The following OLA1 variants were observed in gnomAD, a reference collection of about 807,000 sequenced individuals.
OLA1 encodes the protein obg-like ATPase 1.
In OLA1, 14 loss-of-function variants were observed where a neutral mutation model predicts 48.4. That is an observed-to-expected ratio of 0.29 (90% CI 0.19 to 0.45). OLA1 has a LOEUF of 0.45. OLA1 is among the 20% of genes least tolerant of loss of function. The pLI is 1.00. For missense variants in OLA1, 325 were observed against 467.1 expected, an observed-to-expected ratio of 0.70 and a Z score of 2.80; for synonymous variants, 127 against 150.4, an observed-to-expected ratio of 0.84 and a Z score of 1.14.
chr2:174,243,262 A>G (rs1486562477), intron 2 of OLA1, among the ~76,000 whole-genome samples: 1 of 152,190 alleles, frequency 6.6e-6, no homozygotes, highest in East Asian at 1.9e-4. Flanking sequence ...AACTCCATCT[A>G]CAAACAATAC....
chr2:174,174,925 A>G (rs1463913064), intron 4 of OLA1, among the ~76,000 whole-genome samples: 7 of 152,068 alleles, frequency 4.6e-5, no homozygotes, highest in African/African-American at 1.4e-4. Context: ...CAAATAGATC[A>G]ATGGAACAGA....
intron 4 of OLA1, among the ~76,000 whole-genome samples, chr2:174,208,498 G>T (rs1020457118): frequency 2.0e-5 from 3 of 152,144 alleles, no homozygotes; most frequent in African/African-American, 7.2e-5. Context: ...CACCTCAGAA[G>T]AATATAGGGC....
At chr2:174,087,696 C>T (rs1685015322) in intron 7 of OLA1, among the ~76,000 whole-genome samples, 1 of 152,096 alleles carries the variant, frequency 6.6e-6, no homozygotes, top group African/African-American at 2.4e-5. Flanking sequence ...TAAAACACAA[C>T]CCTGAAATAG....
intron 1 of OLA1, chr2:174,247,815 G>T: frequency 6.5e-7 from 1 of 1,546,458 alleles, no homozygotes; most frequent in Non-Finnish European, 8.7e-7. Flanking sequence ...TTATTTACAA[G>T]TCGAAACTTT....
intron 5 of OLA1, among the ~76,000 whole-genome samples, chr2:174,125,466 G>A (rs1686026982): frequency 6.6e-6 from 1 of 152,036 alleles, no homozygotes; most frequent in South Asian, 2.1e-4. Context: ...AAAAACAGTC[G>A]TACCATCTTA....
At chr2:174,078,545 A>G (rs1035200085) in intron 10 of OLA1, among the ~76,000 whole-genome samples, 1 of 151,964 alleles carries the variant, frequency 6.6e-6, no homozygotes, top group Non-Finnish European at 1.5e-5. Context: ...AAGTAAAACC[A>G]TGAAGTTTTA....
intron 7 of OLA1, among the ~76,000 whole-genome samples, chr2:174,122,899 T>C (rs1039518996): frequency 5.3e-5 from 8 of 152,158 alleles, no homozygotes; most frequent in African/African-American, 1.7e-4. Flanking sequence ...CATTTTGCAA[T>C]GGAAATAAAC....
intron 4 of OLA1, among the ~76,000 whole-genome samples, chr2:174,185,600 T>C (rs539455851): frequency 6.1e-4 from 93 of 152,264 alleles, no homozygotes; most frequent in African/African-American, 1.6e-3. Flanking sequence ...CTACAGTACT[T>C]AATAAAGAAT....
chr2:174,095,325 G>GTTTTTTTTT (rs1205716344), intron 7 of OLA1, among the ~76,000 whole-genome samples: 176 of 77,860 alleles, frequency 2.3e-3, no homozygotes, highest in African/African-American at 3.2e-3. Context: ...GTTATTTCCT[G>GTTTTTTTTT]TTTTTTTTTT....
At chr2:174,084,090 T>C (rs1374990882) in intron 7 of OLA1, among the ~76,000 whole-genome samples, 3 of 152,234 alleles carry the variant, frequency 2.0e-5, no homozygotes, top group Non-Finnish European at 4.4e-5. Context: ...TGTGAGACTT[T>C]GATCTGGTGA....
intron 4 of OLA1, among the ~76,000 whole-genome samples, chr2:174,192,498 C>T (rs1687795500): frequency 6.6e-6 from 1 of 152,118 alleles, no homozygotes. Context: ...ACGACAACTG[C>T]AAAGTTGAGT....
At chr2:174,212,590 G>A (rs1263440633) in intron 4 of OLA1, among the ~76,000 whole-genome samples, 2 of 151,774 alleles carry the variant, frequency 1.3e-5, no homozygotes, top group African/African-American at 2.4e-5. Context: ...TTTAACGTTT[G>A]GACTCTTGTA....
Position 174,191,925 on chromosome 2 carries a change from C to A in OLA1, c.373+31108G>T, listed in dbSNP as rs1687786326. Among the ~76,000 whole-genome samples the A allele has an allele frequency of 2.6e-5, 4 of 152,196 alleles. No homozygotes were observed. The South Asian group carries it at 8.3e-4, about 31-fold the overall frequency. On this transcript the variant is annotated intron_variant, in intron 4 of 10. Transcript: ENST00000284719. ...AGCACATATGTACAAACAAATGAAA[C>A]TAGCCGGCAGCAGTTTGCCAATCCC...
At chr2:174,180,093 A>G (rs1687499600) in intron 4 of OLA1, among the ~76,000 whole-genome samples, 1 of 152,166 alleles carries the variant, frequency 6.6e-6, no homozygotes, top group Admixed American at 6.5e-5. Flanking sequence ...ATCAAGCAAC[A>G]TACTGTAATT....
chr2:174,090,102 C>T (rs1685080415), intron 7 of OLA1, among the ~76,000 whole-genome samples: 2 of 152,036 alleles, frequency 1.3e-5, no homozygotes, highest in South Asian at 4.1e-4. Context: ...GAGAACCTCA[C>T]AGAACTACTG....
intron 4 of OLA1, among the ~76,000 whole-genome samples, chr2:174,193,510 G>A (rs1451676944): frequency 6.6e-6 from 1 of 152,144 alleles, no homozygotes; most frequent in Non-Finnish European, 1.5e-5. Flanking sequence ...GTGTGCAACA[G>A]TAGAAACTAA....
chr2:174,246,967 C>CT (rs1001698884), intron 1 of OLA1, 152 bp from the exon 2 acceptor site: 98 of 447,000 alleles, frequency 2.2e-4, no homozygotes, highest in Middle Eastern at 3.9e-4. Flanking sequence ...GCTAAATCCA[C>CT]TTTTTTTTCA....
intron 4 of OLA1, among the ~76,000 whole-genome samples, chr2:174,222,280 T>A (rs1688522018): frequency 6.6e-6 from 1 of 152,182 alleles, no homozygotes; most frequent in South Asian, 2.1e-4. Flanking sequence ...TGCTATATTT[T>A]CTAAATGCTT....
intron 7 of OLA1, among the ~76,000 whole-genome samples, chr2:174,115,760 T>A (rs1685766646): frequency 6.6e-6 from 1 of 152,204 alleles, no homozygotes; most frequent in Non-Finnish European, 1.5e-5. Flanking sequence ...GATTCTCTCA[T>A]GGCATGTATC....
Sources: allele counts gnomAD v4.1 joint callset (sites outside exome capture counted in the v4.1 genomes callset), GRCh38; gene constraint gnomAD v4.1.1; transcripts MANE v1.5; gene names NCBI Gene and HGNC (gene_info 2026-07-23, HGNC 2026-07-21).